The following TRDN variants were observed in gnomAD, a reference collection of about 807,000 sequenced individuals.
TRDN encodes triadin.
Under a neutral mutation model 149.7 loss-of-function variants are expected in TRDN, and 161 were observed. The ratio of observed to expected loss-of-function variants is 1.08; its 90% CI spans 0.95 to 1.23. The LOEUF (loss-of-function observed/expected upper bound fraction) is 1.23, where lower values mean the gene tolerates loss of function less well. Among genes scored for constraint, TRDN ranks in the 50% most tolerant of loss-of-function variants. The pLI is 0.00. For synonymous variants in TRDN, 294 were observed against 250.5 expected (o/e 1.17, Z -1.64); for missense variants, 896 against 823.5 (o/e 1.09, Z -1.08).
At chr6:123,400,167 G>GTATATATATATATATATATATATATATA (rs374126829) in intron 12 of TRDN, among the ~76,000 whole-genome samples, 35 of 123,368 alleles carry the variant, frequency 2.8e-4, no homozygotes, top group South Asian at 5.2e-4. Flanking sequence ...ATATGTATGT[G>GTATATATATATATATATATATATATATA]TATATATATA....
At chr6:123,445,004 G>A (rs527385544) in intron 10 of TRDN, 29 of 152,178 alleles carry the variant, frequency 1.9e-4, no homozygotes, top group African/African-American at 7.0e-4. Flanking sequence ...GTCTCTGCCA[G>A]GCTTTGGTAT....
intron 20 of TRDN, among the ~76,000 whole-genome samples, chr6:123,358,236 T>A (rs962539063): frequency 1.1e-4 from 17 of 152,298 alleles, no homozygotes; most frequent in African/African-American, 4.1e-4. Context: ...AAAACTAATG[T>A]AAAGGAGACA....
intron 24 of TRDN, among the ~76,000 whole-genome samples, chr6:123,279,359 C>G (rs1386177887): frequency 6.6e-6 from 1 of 151,984 alleles, no homozygotes; most frequent in African/African-American, 2.4e-5. Flanking sequence ...ATAGAAGTAG[C>G]CATAGATAAT....
intron 21 of TRDN, chr6:123,352,083 C>T: frequency 2.3e-5 from 22 of 972,296 alleles, no homozygotes; most frequent in Non-Finnish European, 2.6e-5. Flanking sequence ...ATAATATACT[C>T]TATTTTTGCT....
chr6:123,243,589 A>G (rs1026755500), intron 38 of TRDN, among the ~76,000 whole-genome samples: 9 of 152,168 alleles, frequency 5.9e-5, no homozygotes, highest in African/African-American at 2.2e-4. Context: ...CTATTTTAAA[A>G]TAGAACCAAA....
At chr6:123,357,166 T>G (rs901557689) in intron 20 of TRDN, among the ~76,000 whole-genome samples, 1 of 152,028 alleles carries the variant, frequency 6.6e-6, no homozygotes, top group Non-Finnish European at 1.5e-5. Flanking sequence ...CTTTGACTTA[T>G]AGAATACTTA....
At chr6:123,520,104 T>A (rs1779603727) in intron 5 of TRDN, among the ~76,000 whole-genome samples, 2 of 152,144 alleles carry the variant, frequency 1.3e-5, no homozygotes, top group South Asian at 4.1e-4. Context: ...GTTTCTTTTT[T>A]ATTTTTGGTA....
intron 23 of TRDN, among the ~76,000 whole-genome samples, chr6:123,326,108 T>C (rs6906204): frequency 0.026 from 3,999 of 152,194 alleles, 190 homozygotes; most frequent in African/African-American, 0.091. Flanking sequence ...GTTCCTCAAT[T>C]TTGAGACTTA....
chr6:123,529,117 G>T (rs775219019), intron 5 of TRDN: 2 of 1,491,120 alleles, frequency 1.3e-6, no homozygotes, highest in East Asian at 5.0e-5. Context: ...CATTACTACC[G>T]CCACTCCAGC....
chr6:123,388,896 T>C (rs1582954891), intron 13 of TRDN, among the ~76,000 whole-genome samples: 1 of 152,108 alleles, frequency 6.6e-6, no homozygotes, highest in Non-Finnish European at 1.5e-5. Flanking sequence ...ATATAGGCTG[T>C]GACTGGATTA....
intron 20 of TRDN, among the ~76,000 whole-genome samples, chr6:123,355,189 A>G (rs1223270758): frequency 1.3e-5 from 2 of 151,658 alleles, no homozygotes; most frequent in African/African-American, 4.8e-5. Flanking sequence ...ATATACACAT[A>G]CACACATATA....
chr6:123,576,977 A>G (rs1583274050), intron 1 of TRDN, among the ~76,000 whole-genome samples: 1 of 152,000 alleles, frequency 6.6e-6, no homozygotes, highest in East Asian at 1.9e-4. Context: ...AAAATAAAAA[A>G]AAAAGAAAAT....
At chr6:123,506,991 A>G (rs929794272) in intron 7 of TRDN, among the ~76,000 whole-genome samples, 3 of 152,182 alleles carry the variant, frequency 2.0e-5, no homozygotes, top group African/African-American at 4.8e-5. Flanking sequence ...AGTGTCTAGC[A>G]CAATGCTTCT....
intron 4 of TRDN, 59 bp from the exon 5 acceptor site, chr6:123,530,624 T>A: frequency 2.0e-6 from 2 of 1,015,598 alleles, no homozygotes; most frequent in South Asian, 3.7e-5. Flanking sequence ...ATTTAAGCCA[T>A]AGCTATGACC....
At chr6:123,503,679 C>T (rs751794470) in intron 8 of TRDN, 40 bp downstream of exon 8, 84 of 1,611,640 alleles carry the variant, frequency 5.2e-5, no homozygotes, top group Non-Finnish European at 6.8e-5. Flanking sequence ...GCCCAATATT[C>T]TCTTAGAACC....
intron 12 of TRDN, among the ~76,000 whole-genome samples, chr6:123,406,055 A>C (rs889638763): frequency 1.3e-5 from 2 of 152,236 alleles, no homozygotes; most frequent in African/African-American, 2.4e-5. Flanking sequence ...TTGATTCTTC[A>C]TCCTTCATTT....
In TRDN at chr6:123,282,909, T is replaced by A. The variant is rs578152405; in HGVS notation, c.1511-3827A>T. 9.9e-5 allele frequency among the ~76,000 whole-genome samples: 15 copies of A among 152,048 alleles called. No individual in the cohort carries two copies. In the South Asian group the frequency reaches 3.1e-3, roughly 31 times the overall value. On this transcript the variant is annotated intron_variant, in intron 24 of 40. Coordinates refer to ENST00000334268, the MANE Select transcript of TRDN (RefSeq NM_006073.4). ...ACTGGAAAAACTTTTATTTAGGTGA[T>A]CTTATAAAGACTCATTAAGTAAGTC...
chr6:123,256,233 C>T (rs1313335172), intron 35 of TRDN, among the ~76,000 whole-genome samples: 1 of 152,230 alleles, frequency 6.6e-6, no homozygotes, highest in East Asian at 1.9e-4. Flanking sequence ...ACGATGGTTT[C>T]CGGCTTCATC....
intron 12 of TRDN, among the ~76,000 whole-genome samples, chr6:123,407,547 C>T (rs1283127466): frequency 1.3e-5 from 2 of 152,058 alleles, no homozygotes; most frequent in Non-Finnish European, 2.9e-5. Context: ...ATGTTTCTAT[C>T]TCTCCTCCTA....
Sources: gnomAD v4.1 joint callset for allele counts (sites outside exome capture counted in the v4.1 genomes callset) on GRCh38, gnomAD v4.1.1 for gene constraint, MANE v1.5 for transcripts, NCBI Gene and HGNC (gene_info 2026-07-23, HGNC 2026-07-21) for gene names.